Variants in DNASE1 observed in about 807,000 individuals in gnomAD.
The protein encoded by DNASE1 is deoxyribonuclease 1, also known as deoxyribonuclease-1.
In DNASE1, 40 loss-of-function variants were observed where a neutral mutation model predicts 33.9. The observed-to-expected ratio is 1.18, with a 90% CI of 0.92 to 1.54. The LOEUF (loss-of-function observed/expected upper bound fraction) is 1.54. Among genes scored for constraint, DNASE1 ranks in the 40% most tolerant of loss-of-function variants. The pLI, the probability that DNASE1 is intolerant of heterozygous loss-of-function variation, is 0.00. For missense variants in DNASE1, 518 were observed against 372.6 expected, an observed-to-expected ratio of 1.39 and a Z score of -3.21; for synonymous variants, 216 against 160.0, an observed-to-expected ratio of 1.35 and a Z score of -2.64.
intron 1 of DNASE1, among the ~76,000 whole-genome samples, chr16:3,622,408 G>A (rs555798418): frequency 3.9e-5 from 6 of 151,972 alleles, no homozygotes; most frequent in Non-Finnish European, 5.9e-5. Flanking sequence ...TTTTCTTCAC[G>A]TGATTAAAAG....
At chr16:3,632,172 A>C (rs2041719894) in intron 1 of DNASE1, among the ~76,000 whole-genome samples, 2 of 152,186 alleles carry the variant, frequency 1.3e-5, no homozygotes, top group Admixed American at 1.3e-4. Flanking sequence ...TGAGCTTTAG[A>C]GGAATGTGTA....
intron 4 of DNASE1, 36 bp from the exon 5 acceptor site, chr16:3,656,602 C>A (rs1183773366): frequency 6.4e-7 from 1 of 1,565,774 alleles, no homozygotes; most frequent in Admixed American, 1.8e-5. Context: ...CAGCTTCCAG[C>A]CTGGGGTCAC....
chr16:3,624,685 T>C (rs771574114), intron 1 of DNASE1, among the ~76,000 whole-genome samples: 1 of 152,138 alleles, frequency 6.6e-6, no homozygotes, highest in Non-Finnish European at 1.5e-5. Context: ...ATTTTTCTTT[T>C]CTTGTTTTTT....
exon 10 of DNASE1, chr16:3,663,647 G>C: frequency 1.3e-6 from 2 of 1,569,894 alleles, no homozygotes; most frequent in Non-Finnish European, 8.6e-7. Flanking sequence ...AGGAGGGCTG[G>C]GGGAGCCAAG....
chr16:3,657,270 C>T lies in DNASE1; in HGVS notation c.633C>T (p.Ser211=). ...GGTCATCCATCCGCCTGTGGACAAG[C>T]CCCACCTTCCAGTGGCTGATCCCCG... ...SQWSSIRLWT[S]PTFQWLIPDS... The change falls in exon 7 of 9, where the codon AGC becomes AGT. Residue 211 remains serine (S), a synonymous_variant. Coordinates refer to ENST00000246949, the MANE Select transcript of DNASE1 (RefSeq NM_005223.4). The T allele has an allele frequency of 6.2e-7, 1 of 1,614,026 alleles. No homozygotes were observed. The highest frequency in any genetic ancestry group is 8.5e-7 in the Non-Finnish European group (1 of 1,180,032).
chr16:3,623,548 G>A (rs1158404239), intron 1 of DNASE1, among the ~76,000 whole-genome samples: 1 of 152,160 alleles, frequency 6.6e-6, no homozygotes, highest in African/African-American at 2.4e-5. Flanking sequence ...ACAACCTATA[G>A]AATGGGAGAA....
upstream of DNASE1, chr16:3,652,377 G>C (rs1337280914): frequency 1.3e-5 from 2 of 152,326 alleles, no homozygotes; most frequent in Non-Finnish European, 2.9e-5. Context: ...TCCCTTCCCC[G>C]TGATGGGTCG....
upstream of DNASE1, among the ~76,000 whole-genome samples, chr16:3,638,706 G>C (rs1203097490): frequency 6.6e-6 from 1 of 152,124 alleles, no homozygotes; most frequent in Non-Finnish European, 1.5e-5. Flanking sequence ...GGGAAATTTT[G>C]CTTATTTCTT....
At chr16:3,630,593 C>A (rs1045900748) in intron 1 of DNASE1, among the ~76,000 whole-genome samples, 2 of 151,894 alleles carry the variant, frequency 1.3e-5, no homozygotes, top group African/African-American at 4.8e-5. Flanking sequence ...ATATAATGTC[C>A]TTTTTTAATC....
intron 1 of DNASE1, among the ~76,000 whole-genome samples, chr16:3,625,276 A>G (rs1447864857): frequency 1.3e-5 from 2 of 152,172 alleles, no homozygotes; most frequent in Non-Finnish European, 2.9e-5. Context: ...ACTGCATTCC[A>G]GCCTGGGCAA....
At chr16:3,636,133 C>G (rs1352389044) in intron 1 of DNASE1, among the ~76,000 whole-genome samples, 9 of 151,908 alleles carry the variant, frequency 5.9e-5, no homozygotes, top group African/African-American at 1.5e-4. Context: ...TCATTCTTTT[C>G]TCTCTGAGTT....
chr16:3,633,452 C>CA (rs1194763787), intron 1 of DNASE1, among the ~76,000 whole-genome samples: 1 of 151,894 alleles, frequency 6.6e-6, no homozygotes, highest in East Asian at 1.9e-4. Flanking sequence ...ACTAAAAATA[C>CA]AAAAAATTAG....
chr16:3,633,797 C>CT (rs2041779303), intron 1 of DNASE1, among the ~76,000 whole-genome samples: 1 of 151,930 alleles, frequency 6.6e-6, no homozygotes, highest in Non-Finnish European at 1.5e-5. Flanking sequence ...TATTCAAAAG[C>CT]GAAATTATTA....
At chr16:3,655,781 C>G (rs1457832301) in intron 2 of DNASE1, 68 bp from the exon 3 acceptor site, 15 of 1,585,960 alleles carry the variant, frequency 9.5e-6, no homozygotes, top group Admixed American at 1.7e-5. Flanking sequence ...CTGTGGCTCC[C>G]TTTGTGGCGC....
rs754202787 is a variant in DNASE1 at position 3,656,985 on chromosome 16, G to A, written c.437-14G>A. 6.2e-7 allele frequency: 1 copy of A among 1,612,636 alleles called. No homozygotes were observed. The highest frequency in any genetic ancestry group is 1.1e-5 in the South Asian group (1 of 90,860). On this transcript the variant is annotated splice_polypyrimidine_tract_variant and intron_variant, in intron 5 of 8. Coordinates refer to ENST00000246949, the MANE Select transcript of DNASE1 (RefSeq NM_005223.4). ...CCAGGGAGTGTGCCTCACACGACGT[G>A]GCTGTCTCCACAGAGGTCAGGGAGT...
intron 1 of DNASE1, among the ~76,000 whole-genome samples, chr16:3,612,733 A>C (rs2040945552): frequency 6.6e-6 from 1 of 152,022 alleles, no homozygotes; most frequent in South Asian, 2.1e-4. Flanking sequence ...TAAAGGCCTA[A>C]TTACAGTGAG....
upstream of DNASE1, among the ~76,000 whole-genome samples, chr16:3,650,295 T>C (rs554029419): frequency 6.6e-6 from 1 of 152,314 alleles, no homozygotes; most frequent in East Asian, 1.9e-4. Flanking sequence ...CCACGAGTTA[T>C]TAATACATCT....
upstream of DNASE1, chr16:3,652,550 A>G (rs2042370091): frequency 6.6e-6 from 1 of 152,272 alleles, no homozygotes; most frequent in Admixed American, 6.5e-5. Flanking sequence ...AAACCTTTGG[A>G]AAAGCCTGCA....
downstream of DNASE1, chr16:3,661,775 A>C (rs111672361): frequency 1.4e-4 from 66 of 487,156 alleles, no homozygotes; most frequent in African/African-American, 1.3e-3. Context: ...GGATGTGGCT[A>C]ACCTCCCAGG....
Sources: gnomAD v4.1 joint callset for allele counts (sites outside exome capture counted in the v4.1 genomes callset) on GRCh38, gnomAD v4.1.1 for gene constraint, MANE v1.5 for transcripts, NCBI Gene and HGNC (gene_info 2026-07-23, HGNC 2026-07-21) for gene names.